C11orf16: variants seen among roughly 807,000 people sequenced by gnomAD.
The protein encoded by C11orf16 is uncharacterized protein C11orf16.
Under a neutral mutation model 45.1 loss-of-function variants are expected in C11orf16, and 38 were observed. The ratio of observed to expected loss-of-function variants is 0.84; its 90% CI spans 0.65 to 1.10. C11orf16 has a LOEUF of 1.10. Ranked by LOEUF, C11orf16 falls within the 50% of genes least tolerant of loss-of-function variation. The pLI is 0.00. For missense variants in C11orf16, 583 were observed against 569.5 expected (o/e 1.02, Z -0.24); for synonymous variants, 221 against 222.0 (o/e 1.00, Z 0.04).
intron 3 of C11orf16, among the ~76,000 whole-genome samples, chr11:8,927,966 G>A (rs2064626070): frequency 6.6e-6 from 1 of 152,098 alleles, no homozygotes; most frequent in Admixed American, 6.6e-5. Flanking sequence ...AGAGTGCAAT[G>A]GCGTGATCTT....
intron 5 of C11orf16, among the ~76,000 whole-genome samples, chr11:8,923,429 G>C (rs1047527944): frequency 6.6e-6 from 1 of 152,162 alleles, no homozygotes; most frequent in African/African-American, 2.4e-5. Context: ...TCTCCAAGCT[G>C]TGCTGGAGCA....
Position 8,925,925 on chromosome 11 carries a change from G to A in C11orf16, c.742C>T (p.Pro248Ser), listed in dbSNP as rs2064608488. 1.2e-6 allele frequency: 2 copies of A among 1,614,174 alleles called. No individual in the cohort carries two copies. Among genetic ancestry groups the A allele is most frequent in the Non-Finnish European group, 1.7e-6 (2 of 1,180,032 alleles). The part of the protein sequence containing the change: ...HWAPCCSLLG[P>S]ITGRITNELP... ...TCATTAGTGATGCGCCCAGTGATTG[G>A]CCCTAGCAGAGAGCAGCAAGGGGCC... Residue 248 changes from proline to serine, a missense_variant, in exon 5 of 7, where the codon CCA becomes TCA. By Grantham distance (74) the Pro-to-Ser change is moderately conservative. Coordinates refer to ENST00000326053, the MANE Select transcript of C11orf16 (RefSeq NM_020643.3).
Position 8,932,242 on chromosome 11 carries a change from C to T in C11orf16, c.67G>A (p.Ala23Thr). The change falls in exon 2 of 7, where the codon GCC becomes ACC. Residue 23 changes from alanine to threonine, a missense_variant. Physicochemically the swap from Ala to Thr is moderately conservative, Grantham distance 58 (BLOSUM62 0). Coordinates refer to ENST00000326053, the MANE Select transcript of C11orf16 (RefSeq NM_020643.3). ...KYCSVATSLK[A>T]PGWDGAAPPW... ...GGAGCAGCACCGTCCCAGCCAGGGG[C>T]CTTCAGGCTTGTGGCCACGCTGCAG... 1.2e-6 allele frequency: 2 copies of T among 1,610,252 alleles called. No individual in the cohort carries two copies. The highest frequency in any genetic ancestry group is 1.7e-6 in the Non-Finnish European group (2 of 1,178,508).
chr11:8,927,813 T>G (rs2064624950), intron 3 of C11orf16: 2 of 298,048 alleles, frequency 6.7e-6, no homozygotes, highest in African/African-American at 4.3e-5. Flanking sequence ...ACTCTGGTTA[T>G]AAATTATTTT....
At chr11:8,926,917 T>C (rs765408662) in intron 4 of C11orf16, 23 bp downstream of exon 4, 1 of 1,589,590 alleles carries the variant, frequency 6.3e-7, no homozygotes, top group Non-Finnish European at 8.6e-7. Context: ...TGGGCACTGA[T>C]GGGTCAGAGC....
chr11:8,925,553 G>A lies in C11orf16; in HGVS notation c.1114C>T (p.Leu372Phe). 6.2e-7 allele frequency: 1 copy of A among 1,614,258 alleles called. No homozygotes were observed. Among genetic ancestry groups the A allele is most frequent in the Non-Finnish European group, 8.5e-7 (1 of 1,180,048 alleles). ...NSAVNTDPIF[L>F]EMPLRQSGLC... ...CCACTCTGTCTCAGAGGCATCTCAAGAAAGATGGGATCTGTGTTGACTGCA... is the reference window on the plus strand; with the variant it reads ...CCACTCTGTCTCAGAGGCATCTCAAAAAAGATGGGATCTGTGTTGACTGCA... Residue 372 changes from leucine to phenylalanine, a missense_variant, in exon 5 of 7, where the codon CTT becomes TTT. Transcript: ENST00000326053.
chr11:8,925,645 G>C lies in C11orf16; in HGVS notation c.1022C>G (p.Ser341Cys), dbSNP rs750207255. ...ATTCTCCACACCGTCTTGTTCACAGGAGGAGGATGAGGAGGAAGAAACAGC... is the reference window on the plus strand; with the variant it reads ...ATTCTCCACACCGTCTTGTTCACAGCAGGAGGATGAGGAGGAAGAAACAGC... The part of the protein sequence containing the change: ...PLAVSSSSSS[S>C]CEQDGVENDL... Residue 341 changes from serine to cysteine, a missense_variant, in exon 5 of 7, where the codon TCC becomes TGC. Physicochemically the swap from Ser to Cys is moderately radical, Grantham distance 112 (BLOSUM62 -1). Transcript: ENST00000326053. 1 of 1,613,888 alleles carries C rather than the reference G, an allele frequency of 6.2e-7. No homozygotes were observed. The highest frequency in any genetic ancestry group is 8.5e-7 in the Non-Finnish European group (1 of 1,179,842).
At chr11:8,926,299 C>T (rs939662145) in intron 4 of C11orf16, among the ~76,000 whole-genome samples, 192 bp from the exon 5 acceptor site, 1 of 150,880 alleles carries the variant, frequency 6.6e-6, no homozygotes, top group African/African-American at 2.4e-5. Context: ...CTGCCTCAGC[C>T]TCCGAAGTAG....
chr11:8,932,027 C>A, intron 2 of C11orf16, 115 bp downstream of exon 2: 1 of 1,159,412 alleles, frequency 8.6e-7, no homozygotes, highest in Non-Finnish European at 1.2e-6. Context: ...ACAATGACGA[C>A]CCCTTTCCAC....
Position 8,925,606 on chromosome 11 carries a change from C to A in C11orf16, c.1061G>T (p.Gly354Val). The A allele has an allele frequency of 1.9e-6, 3 of 1,614,246 alleles. No individual in the cohort carries two copies. The South Asian group carries it at 3.3e-5, about 18-fold the overall frequency. The change falls in exon 5 of 7, where the codon GGC becomes GTC. Residue 354 changes from glycine to valine, a missense_variant. By Grantham distance (109) the Gly-to-Val change is moderately radical. Coordinates refer to ENST00000326053, the MANE Select transcript of C11orf16 (RefSeq NM_020643.3). ...QDGVENDLEMGPPQRLMVNSA... is the reference protein window; with the variant it reads ...QDGVENDLEMVPPQRLMVNSA... Reference sequence around the variant, plus strand: ...GTTCACCATCAGTCTCTGGGGAGGGCCCATCTCCAGATCATTCTCCACACC... The same window carrying A: ...GTTCACCATCAGTCTCTGGGGAGGGACCATCTCCAGATCATTCTCCACACC...
Position 8,921,408 on chromosome 11 carries a change from T to C in C11orf16, c.1312A>G (p.Met438Val), listed in dbSNP as rs566024418. 12 of 1,614,226 alleles carry C rather than the reference T, an allele frequency of 7.4e-6. No homozygotes were observed. In the Admixed American group the frequency reaches 1.2e-4, roughly 16 times the overall value. ...CCTGGCGGGGTCCGCGGTGGCTTCA[T>C]GTGGGTTGCTTTCGAGACCAGCTCC... is the stretch of plus-strand genomic sequence containing the variant. ...TKELVSKATH[M>V]KPPRTPPGEA... The change falls in exon 6 of 7, where the codon ATG becomes GTG. Residue 438 changes from methionine (M) to valine (V), a missense_variant. Transcript: ENST00000326053.
In C11orf16 at chr11:8,925,864, CAG is replaced by C; in HGVS notation, c.801_802del (p.Cys268ProfsTer54). ...TAGCTGGCAGCAGGCATGATGGTGGCAGAGAGGGCACAGGAATGGAGCATCCG... is the reference window on the plus strand; with the variant it reads ...TAGCTGGCAGCAGGCATGATGGTGGCAGAGGGCACAGGAATGGAGCATCCG... On this transcript the variant is annotated frameshift_variant, in exon 5 of 7. Transcript: ENST00000326053. LOFTEE classifies it high-confidence loss of function. 1.2e-6 allele frequency: 2 copies of C among 1,614,188 alleles called. No individual in the cohort carries two copies. Among genetic ancestry groups the C allele is most frequent in the Non-Finnish European group, 1.7e-6 (2 of 1,180,040 alleles).
At chr11:8,924,094 G>A (rs923915177) in intron 5 of C11orf16, among the ~76,000 whole-genome samples, 31 of 152,108 alleles carry the variant, frequency 2.0e-4, no homozygotes, top group African/African-American at 7.0e-4. Context: ...AAATCCAAGT[G>A]CAGCAGACAC....
At chr11:8,922,387 A>AC (rs1250337585) in intron 5 of C11orf16, among the ~76,000 whole-genome samples, 1 of 151,842 alleles carries the variant, frequency 6.6e-6, no homozygotes, top group Non-Finnish European at 1.5e-5. Flanking sequence ...AATAAAAAAA[A>AC]AATTGGGGCA....
At chr11:8,926,170 T>C (rs927429166) in intron 4 of C11orf16, 63 bp from the exon 5 acceptor site, 1 of 1,382,224 alleles carries the variant, frequency 7.2e-7, no homozygotes, top group African/African-American at 1.5e-5. Flanking sequence ...TTTTTCTTTT[T>C]TCTTTTTTTC....
intron 5 of C11orf16, among the ~76,000 whole-genome samples, chr11:8,923,257 T>G (rs1164183542): frequency 6.6e-6 from 1 of 152,134 alleles, no homozygotes; most frequent in East Asian, 1.9e-4. Context: ...CTTCTAGAGT[T>G]TGCTATGGAG....
intron 2 of C11orf16, among the ~76,000 whole-genome samples, chr11:8,930,852 C>T (rs139706067): frequency 1.1e-3 from 173 of 152,288 alleles, no homozygotes; most frequent in African/African-American, 4.0e-3. Flanking sequence ...CTCAGCCCCC[C>T]TCAGCCTCCT....
intron 1 of C11orf16, 75 bp from the exon 2 acceptor site, chr11:8,932,401 G>C: frequency 7.9e-7 from 1 of 1,273,760 alleles, no homozygotes; most frequent in Non-Finnish European, 1.1e-6. Context: ...GCAGGGCTCA[G>C]CTCTGCAGTT....
intron 4 of C11orf16, 73 bp from the exon 5 acceptor site, chr11:8,926,180 C>CTTTTTTTTTT (rs2064611553): frequency 1.0e-6 from 1 of 985,178 alleles, no homozygotes; most frequent in Non-Finnish European, 1.4e-6. Flanking sequence ...TTCTTTTTTT[C>CTTTTTTTTTT]TTTTCTTTTT....
Sources: gnomAD v4.1 joint callset for allele counts (sites outside exome capture counted in the v4.1 genomes callset) on GRCh38, gnomAD v4.1.1 for gene constraint, MANE v1.5 for transcripts, NCBI Gene and HGNC (gene_info 2026-07-23, HGNC 2026-07-21) for gene names.